Variants in CELF2 observed in about 807,000 individuals in gnomAD.
CELF2 encodes CUGBP Elav-like family member 2, also known as CUG triplet repeat RNA-binding protein 2.
CELF2 carries 8 observed loss-of-function variants against 62.6 expected under a neutral mutation model. The ratio of observed to expected loss-of-function variants is 0.13; its 90% CI spans 0.07 to 0.23. The LOEUF (loss-of-function observed/expected upper bound fraction) is 0.23, where lower values mean the gene tolerates loss of function less well. Among genes scored for constraint, CELF2 ranks in the 10% least tolerant of loss-of-function variants. CELF2 has a pLI of 1.00. For synonymous variants in CELF2, 258 were observed against 250.0 expected (o/e 1.03, Z -0.30); for missense variants, 333 against 671.0 (o/e 0.50, Z 5.56).
chr10:10,605,594 T>C, the CELF2 span, among the ~76,000 whole-genome samples: 2 of 152,248 alleles, frequency 1.3e-5, no homozygotes, highest in African/African-American at 2.4e-5. Flanking sequence ...GTTTACCACA[T>C]AGTCAAACGT....
In CELF2 at chr10:11,331,666, G is replaced by C. The variant is rs1405692685; in HGVS notation, c.*2613G>C. ...TGTTAACTTGCTATCCTGTGGTCTT[G>C]TTGCCTGAAATTGTTATTGTTTGTT... is the stretch of plus-strand genomic sequence containing the variant. On this transcript the variant is annotated 3_prime_UTR_variant, in exon 13 of 13. Coordinates refer to ENST00000633077, the MANE Select transcript of CELF2 (RefSeq NM_001326342.2). The C allele has an allele frequency of 6.6e-6, 1 of 151,968 alleles. No individual in the cohort carries two copies. The highest frequency in any genetic ancestry group is 1.5e-5 in the Non-Finnish European group (1 of 67,902). The allele number at this position is 151,968 out of a possible 1,614,324, so 9.4% of individuals were successfully genotyped here.
Position 11,318,781 on chromosome 10 carries a change from A to G in CELF2, c.1097-2408A>G. ...TTAAAAAAACAGCTGTGTACAGAGA[A>G]GGGAGTTGGGTCCCAGTGACCACTG... On this transcript the variant is annotated intron_variant, in intron 10 of 12. Coordinates refer to ENST00000633077, the MANE Select transcript of CELF2 (RefSeq NM_001326342.2). This position sits in a 1 kb window ranked among gnomAD's most constrained non-coding sequence, Gnocchi z 5.4. 1 of 471,414 alleles carries G rather than the reference A, an allele frequency of 2.1e-6. No homozygotes were observed. Among genetic ancestry groups the G allele is most frequent in the Admixed American group, 2.3e-5 (1 of 42,590 alleles). 29.2% of individuals were successfully genotyped at this position (471,414 alleles called of 1,614,324 possible).
the CELF2 span, among the ~76,000 whole-genome samples, chr10:10,545,428 G>A: frequency 2.6e-5 from 4 of 152,112 alleles, no homozygotes; most frequent in African/African-American, 9.7e-5. Context: ...CCCAAACAAG[G>A]CCTGCTTCAA....
upstream of CELF2, among the ~76,000 whole-genome samples, chr10:11,003,883 T>C (rs1298563831): frequency 6.6e-6 from 1 of 152,196 alleles, no homozygotes; most frequent in East Asian, 1.9e-4. This position sits in a 1 kb window ranked among gnomAD's most constrained non-coding sequence, Gnocchi z 4.4. Flanking sequence ...AAGGCTCTCA[T>C]TTCATGATCT....
chr10:10,517,013 T>G, the CELF2 span, among the ~76,000 whole-genome samples: 2 of 152,330 alleles, frequency 1.3e-5, no homozygotes, highest in African/African-American at 4.8e-5. Flanking sequence ...CACTCATTAC[T>G]GGATGTTGCA....
the CELF2 span, among the ~76,000 whole-genome samples, chr10:10,472,764 G>T: frequency 6.6e-6 from 1 of 151,906 alleles, no homozygotes; most frequent in Non-Finnish European, 1.5e-5. Flanking sequence ...TTGTCTTCTC[G>T]TTGGTGTGCA....
At chr10:10,741,241 G>A in the CELF2 span, among the ~76,000 whole-genome samples, 21,448 of 151,868 alleles carry the variant, frequency 0.14, 1,799 homozygotes, top group Non-Finnish European at 0.18. Context: ...GGCCGGGTGC[G>A]GTGGCTCACA....
chr10:11,196,262 G>C (rs2057450704), intron 2 of CELF2, among the ~76,000 whole-genome samples: 1 of 152,244 alleles, frequency 6.6e-6, no homozygotes, highest in Admixed American at 6.5e-5. Flanking sequence ...GGAGTAACTT[G>C]CTGCAGGCAG....
the CELF2 span, among the ~76,000 whole-genome samples, chr10:10,672,489 C>CT: frequency 1.2e-3 from 169 of 138,328 alleles, 1 homozygote; most frequent in Middle Eastern, 3.9e-3. Context: ...GTCTACATTC[C>CT]TTTTTTTTTT....
intron 1 of CELF2, among the ~76,000 whole-genome samples, chr10:11,062,209 C>T (rs1300609250): frequency 6.6e-6 from 1 of 152,224 alleles, no homozygotes; most frequent in Non-Finnish European, 1.5e-5. Context: ...CCTTGTCATC[C>T]AAGAGCTTTC....
intron 2 of CELF2, among the ~76,000 whole-genome samples, chr10:10,967,977 T>C (rs1254940658): frequency 6.6e-6 from 1 of 151,720 alleles, no homozygotes; most frequent in Non-Finnish European, 1.5e-5. Flanking sequence ...GAGAAAAAAA[T>C]GTAAGTTATT....
the CELF2 span, among the ~76,000 whole-genome samples, chr10:10,686,938 C>T: frequency 6.6e-6 from 1 of 152,154 alleles, no homozygotes; most frequent in Admixed American, 6.5e-5. Flanking sequence ...CCTGATCCCA[C>T]CTTCTTGATG....
intron 9 of CELF2, among the ~76,000 whole-genome samples, chr10:11,289,687 C>T (rs1038818951): frequency 8.5e-5 from 13 of 152,258 alleles, no homozygotes; most frequent in Admixed American, 3.9e-4. Flanking sequence ...AAAAACATAC[C>T]GTTACTGTAT....
chr10:10,527,446 CAA>C, the CELF2 span, among the ~76,000 whole-genome samples: 3 of 126,274 alleles, frequency 2.4e-5, no homozygotes, highest in Admixed American at 8.0e-5. Flanking sequence ...AACTCTGTCT[CAA>C]AAAAAAAAAA....
Position 11,043,129 on chromosome 10 carries a change from C to T in CELF2, c.74+24966C>T, listed in dbSNP as rs114338081. 1.1e-3 allele frequency among the ~76,000 whole-genome samples: 167 copies of T among 152,320 alleles called. 1 individual carries two copies. The highest frequency in any genetic ancestry group is 3.5e-3 in the African/African-American group (147 of 41,570). On this transcript the variant is annotated intron_variant, in intron 1 of 12. Coordinates refer to ENST00000633077, the MANE Select transcript of CELF2 (RefSeq NM_001326342.2). ...CACCATTTTACCTTCCCACCAGCAG[C>T]GTATGAGGTTCCAACTTGCTGCATC...
chr10:11,240,233 C>G (rs1247826421), intron 3 of CELF2, among the ~76,000 whole-genome samples: 1 of 152,188 alleles, frequency 6.6e-6, no homozygotes, highest in African/African-American at 2.4e-5. Flanking sequence ...ATAAATAGAC[C>G]TTGCATAATC....
chr10:10,756,488 A>G, the CELF2 span, among the ~76,000 whole-genome samples: 1 of 152,186 alleles, frequency 6.6e-6, no homozygotes, highest in Non-Finnish European at 1.5e-5. Context: ...ACTGCATTAA[A>G]TGTTAATTTA....
At chr10:10,755,280 C>T in the CELF2 span, among the ~76,000 whole-genome samples, 12 of 152,172 alleles carry the variant, frequency 7.9e-5, no homozygotes, top group Non-Finnish European at 1.6e-4. Context: ...CTTCCTCTCT[C>T]ATATTCATAT....
At chr10:11,284,501 G>A (rs1470460544) in intron 8 of CELF2, among the ~76,000 whole-genome samples, 4 of 127,670 alleles carry the variant, frequency 3.1e-5, no homozygotes, top group East Asian at 6.1e-4. Context: ...GTGTGTGGTG[G>A]GGGATGAGGG....
Sources: gnomAD v4.1 joint callset for allele counts (sites outside exome capture counted in the v4.1 genomes callset) on GRCh38, gnomAD v4.1.1 for gene constraint, Gnocchi (gnomAD v3.1) non-coding constraint, MANE v1.5 for transcripts, NCBI Gene and HGNC (gene_info 2026-07-23, HGNC 2026-07-21) for gene names.